The following DMXL2 variants were observed in gnomAD, a reference collection of about 807,000 sequenced individuals.
The protein encoded by DMXL2 is Dmx like 2.
DMXL2 carries 103 observed loss-of-function variants against 331.1 expected under a neutral mutation model. The observed-to-expected ratio is 0.31, with a 90% confidence interval of 0.27 to 0.37. The LOEUF is 0.37. Among genes scored for constraint, DMXL2 ranks in the 10% least tolerant of loss-of-function variants. DMXL2 has a pLI of 1.00. For synonymous variants in DMXL2, 1,281 were observed against 1,252.1 expected (o/e 1.02, Z -0.49); for missense variants, 3,171 against 3,642.9 (o/e 0.87, Z 3.33).
At chr15:51,535,826 T>C in intron 12 of DMXL2, 42 bp from the exon 13 acceptor site, 1 of 1,552,832 alleles carries the variant, frequency 6.4e-7, no homozygotes, top group East Asian at 2.3e-5. Flanking sequence ...AAACATGTAG[T>C]GTATTTTTCT....
chr15:51,501,392 A>T (rs1480984340), intron 17 of DMXL2, among the ~76,000 whole-genome samples: 1 of 152,216 alleles, frequency 6.6e-6, no homozygotes, highest in Non-Finnish European at 1.5e-5. Context: ...ACCTTGCTAA[A>T]GTCAGTATCA....
intron 1 of DMXL2, among the ~76,000 whole-genome samples, chr15:51,594,812 A>T (rs1317506330): frequency 1.3e-5 from 2 of 152,280 alleles, no homozygotes; most frequent in Admixed American, 6.5e-5. Flanking sequence ...AAAGACAAAA[A>T]CCGTATGATT....
At chr15:51,536,136 G>A in intron 12 of DMXL2, 30 bp downstream of exon 12, 3 of 1,492,216 alleles carry the variant, frequency 2.0e-6, no homozygotes, top group Non-Finnish European at 2.7e-6. Flanking sequence ...AAAAGCTTGT[G>A]TTAATTTCAC....
intron 6 of DMXL2, among the ~76,000 whole-genome samples, chr15:51,556,983 G>A (rs1275729292): frequency 6.6e-6 from 1 of 151,746 alleles, no homozygotes; most frequent in Non-Finnish European, 1.5e-5. Context: ...CTGGGAACAA[G>A]AAAAAGATAG....
At chr15:51,453,911 A>G (rs979343951) in intron 40 of DMXL2, among the ~76,000 whole-genome samples, 1 of 152,242 alleles carries the variant, frequency 6.6e-6, no homozygotes, top group Non-Finnish European at 1.5e-5. Context: ...ATAGGACATC[A>G]AAGTACATGA....
At chr15:51,612,951 C>T (rs917301185) in intron 1 of DMXL2, among the ~76,000 whole-genome samples, 2 of 152,180 alleles carry the variant, frequency 1.3e-5, no homozygotes, top group South Asian at 2.1e-4. Context: ...CAGGGATGTT[C>T]CTTGCTGAGA....
chr15:51,476,127 G>A (rs1595939962), intron 27 of DMXL2, among the ~76,000 whole-genome samples: 3 of 152,224 alleles, frequency 2.0e-5, no homozygotes, highest in Admixed American at 2.0e-4. Flanking sequence ...CTGATGTAGA[G>A]AATGAGAAAG....
intron 5 of DMXL2, 54 bp downstream of exon 5, chr15:51,564,071 T>G: frequency 6.6e-7 from 1 of 1,518,072 alleles, no homozygotes; most frequent in Non-Finnish European, 8.8e-7. Context: ...GAAACATATT[T>G]TAGGAAGCAC....
At chr15:51,611,053 A>G (rs1449919755) in intron 1 of DMXL2, among the ~76,000 whole-genome samples, 1 of 152,130 alleles carries the variant, frequency 6.6e-6, no homozygotes, top group Admixed American at 6.5e-5. Flanking sequence ...TGAGCTAAGC[A>G]TTTAGCTCAA....
In DMXL2 at chr15:51,536,281, T is replaced by C; in HGVS notation, c.2199A>G (p.Ile733Met). The C allele has an allele frequency of 6.2e-7, 1 of 1,614,048 alleles. No individual in the cohort carries two copies. Residue 733 changes from isoleucine (I) to methionine (M), a missense_variant, in exon 12 of 44, where the codon ATA becomes ATG. This residue lies in a region of DMXL2 where 1,674 missense variants were observed against 1,780.2 expected (regional missense o/e 0.94). Coordinates refer to ENST00000560891, the MANE Select transcript of DMXL2 (RefSeq NM_001378457.1). ...SELILWRVDP[I>M]GPLSYTGGVS... is the part of the protein sequence containing the mutation. ...CTCCTCCAGTGTATGACAAAGGTCC[T>C]ATTGGGTCTACACGCCACAGAATAA... is the stretch of plus-strand genomic sequence containing the variant.
intron 13 of DMXL2, among the ~76,000 whole-genome samples, chr15:51,519,249 T>C (rs1343755226): frequency 6.6e-6 from 1 of 152,012 alleles, no homozygotes; most frequent in Admixed American, 6.5e-5. Context: ...CCCAAGTAAC[T>C]AGGATTACAG....
At chr15:51,552,263 AGGAGAAC>A (rs141514134) in intron 6 of DMXL2, among the ~76,000 whole-genome samples, 1,755 of 152,262 alleles carry the variant, frequency 0.012, 27 homozygotes, top group East Asian at 0.026. Flanking sequence ...GGTGGTGAAA[AGGAGAAC>A]GGCATGTTCA....
Position 51,600,766 on chromosome 15 carries a change from G to C in DMXL2, c.87+21693C>G, listed in dbSNP as rs116365350. 9.8e-3 allele frequency among the ~76,000 whole-genome samples: 1,497 copies of C among 152,238 alleles called. 20 individuals carry two copies. Among genetic ancestry groups the C allele is most frequent in the African/African-American group, 0.034 (1,410 of 41,536 alleles). Reference sequence around the variant, plus strand: ...ACCACAAGGGTATCTGCCAGTATAAGTTTCCTGTGAGAAGAACACCTGGCC... The same window carrying C: ...ACCACAAGGGTATCTGCCAGTATAACTTTCCTGTGAGAAGAACACCTGGCC... On this transcript the variant is annotated intron_variant, in intron 1 of 43. Transcript: ENST00000560891.
chr15:51,456,137 G>A lies in DMXL2; in HGVS notation c.8455C>T (p.Gln2819Ter). ...CCAGCTTGACGAAAGCAGACAAGTT[G>A]CTGAGGCCGCGTCCATTCAAACATT... The part of the protein sequence containing the change: ...VRMFEWTRPQ[Q>*]LVCFRQAGNA... Residue 2819 changes from glutamine to a stop codon, truncating the protein, a stop_gained, in exon 39 of 44, where the codon CAA (glutamine) becomes TAA (stop). Coordinates refer to ENST00000560891, the MANE Select transcript of DMXL2 (RefSeq NM_001378457.1). LOFTEE classifies it high-confidence loss of function. 1.9e-6 allele frequency: 3 copies of A among 1,614,156 alleles called. No individual in the cohort carries two copies. Among genetic ancestry groups the A allele is most frequent in the Non-Finnish European group, 2.5e-6 (3 of 1,180,014 alleles).
rs1429872222 is a variant in DMXL2 at position 51,464,765 on chromosome 15, A to G, written c.7718T>C (p.Ile2573Thr). ...TGAAAGGTCAGTTGGATATGTGTTG[A>G]TATAGTTAGGGGGTGGACCTTCAAA... ...DQFEGPPPNYINTYPTDLSVG... is the reference protein window; with the variant it reads ...DQFEGPPPNYTNTYPTDLSVG... Residue 2573 changes from isoleucine (I) to threonine (T), a missense_variant, in exon 32 of 44, where the codon ATC (isoleucine) becomes ACC (threonine). Physicochemically the swap from Ile to Thr is moderately conservative, Grantham distance 89. Transcript: ENST00000560891. 1 of 1,614,010 alleles carries G rather than the reference A, an allele frequency of 6.2e-7. No homozygotes were observed. Among genetic ancestry groups the G allele is most frequent in the Non-Finnish European group, 8.5e-7 (1 of 1,179,998 alleles).
intron 41 of DMXL2, among the ~76,000 whole-genome samples, chr15:51,452,023 C>A (rs1039723177): frequency 1.3e-5 from 2 of 152,208 alleles, no homozygotes; most frequent in Non-Finnish European, 2.9e-5. Context: ...AGATGTTATT[C>A]ATGGGCATGT....
intron 34 of DMXL2, chr15:51,459,012 C>T: frequency 1.9e-6 from 1 of 535,746 alleles, no homozygotes. Flanking sequence ...CCCCAATTTC[C>T]ACTGTGATGG....
intron 1 of DMXL2, among the ~76,000 whole-genome samples, chr15:51,585,577 T>C (rs1382440021): frequency 6.6e-6 from 1 of 152,112 alleles, no homozygotes. Flanking sequence ...CCCTACAGGA[T>C]AAATTCTAAG....
chr15:51,529,932 G>A (rs2047905329), intron 13 of DMXL2, among the ~76,000 whole-genome samples: 1 of 151,996 alleles, frequency 6.6e-6, no homozygotes, highest in African/African-American at 2.4e-5. Flanking sequence ...GGGACACAAG[G>A]ATGGTTCAAC....
Sources: allele counts gnomAD v4.1 joint callset (sites outside exome capture counted in the v4.1 genomes callset), GRCh38; gene constraint gnomAD v4.1.1; regional missense constraint gnomAD v4.1.1; transcripts MANE v1.5; gene names NCBI Gene and HGNC (gene_info 2026-07-23, HGNC 2026-07-21).